MAST4: variants seen among roughly 807,000 people sequenced by gnomAD.
MAST4 encodes microtubule-associated serine/threonine-protein kinase 4.
Under a neutral mutation model 162.7 loss-of-function variants are expected in MAST4, and 89 were observed. That is an observed-to-expected ratio of 0.55 (90% confidence interval 0.46 to 0.65). The LOEUF is 0.65. Among genes scored for constraint, MAST4 ranks in the 30% least tolerant of loss-of-function variants. The pLI, the probability that MAST4 is intolerant of heterozygous loss-of-function variation, is 0.00. For missense variants in MAST4, 3,153 were observed against 3,374.0 expected (o/e 0.93, Z 1.62); for synonymous variants, 1,479 against 1,361.1 (o/e 1.09, Z -1.91).
chr5:66,669,690 G>T lies in MAST4; in HGVS notation c.363+72672G>T, dbSNP rs537737692. Among the ~76,000 whole-genome samples the T allele has an allele frequency of 1.3e-4, 20 of 152,268 alleles. No individual in the cohort carries two copies. The South Asian group carries it at 3.5e-3, about 27-fold the overall frequency. On this transcript the variant is annotated intron_variant, in intron 1 of 28. Transcript: ENST00000403625. The stretch of plus-strand genomic sequence containing the variant: ...GTTTGAAGTGCTGCTTGCAGTGCCT[G>T]CACTGGAGAAAAGGAAACTGTTGAG...
chr5:66,948,156 A>C (rs1744252224), intron 4 of MAST4, among the ~76,000 whole-genome samples: 1 of 152,146 alleles, frequency 6.6e-6, no homozygotes, highest in Non-Finnish European at 1.5e-5. Flanking sequence ...TAAGTTCCCA[A>C]GTTGGCTGAG....
chr5:66,840,284 T>A (rs1758326808), intron 3 of MAST4, among the ~76,000 whole-genome samples: 1 of 152,156 alleles, frequency 6.6e-6, no homozygotes. Context: ...ATAGTGATTG[T>A]TTTATCTTTT....
At chr5:66,853,789 C>G (rs1278335984) in intron 3 of MAST4, among the ~76,000 whole-genome samples, 2 of 152,124 alleles carry the variant, frequency 1.3e-5, no homozygotes, top group Admixed American at 6.5e-5. Flanking sequence ...AAAAGGAAAT[C>G]AGAATTCTTT....
At chr5:66,678,616 T>C (rs1748114463) in intron 1 of MAST4, among the ~76,000 whole-genome samples, 1 of 151,738 alleles carries the variant, frequency 6.6e-6, no homozygotes, top group African/African-American at 2.4e-5. Context: ...TGCCTCAACC[T>C]GCCAAGTAGC....
At chr5:66,767,604 A>G (rs1754159741) in intron 2 of MAST4, among the ~76,000 whole-genome samples, 1 of 151,896 alleles carries the variant, frequency 6.6e-6, no homozygotes, top group South Asian at 2.1e-4. Context: ...AATAGGATAT[A>G]TATACACACA....
At chr5:67,042,076 G>T (rs1756811936) in intron 4 of MAST4, among the ~76,000 whole-genome samples, 3 of 152,194 alleles carry the variant, frequency 2.0e-5, no homozygotes. Flanking sequence ...ATTTAAAACA[G>T]AACTGTCTCT....
chr5:67,113,021 A>T (rs1293351798), intron 11 of MAST4, among the ~76,000 whole-genome samples: 1 of 152,168 alleles, frequency 6.6e-6, no homozygotes, highest in African/African-American at 2.4e-5. Flanking sequence ...ATTTCAAAAA[A>T]CAGGGATGAA....
intron 4 of MAST4, among the ~76,000 whole-genome samples, chr5:66,983,486 A>G (rs983574275): frequency 2.0e-5 from 3 of 152,116 alleles, no homozygotes; most frequent in African/African-American, 7.2e-5. Flanking sequence ...TTAACCTACC[A>G]TTTGCATGAC....
chr5:67,061,472 T>C (rs143534759), intron 5 of MAST4, among the ~76,000 whole-genome samples: 10 of 152,248 alleles, frequency 6.6e-5, no homozygotes, highest in African/African-American at 2.4e-4. Context: ...ATCTCACCAG[T>C]ATCCTTTTTC....
intron 5 of MAST4, 142 bp from the exon 6 acceptor site, chr5:67,090,020 G>A: frequency 1.7e-6 from 1 of 597,100 alleles, no homozygotes; most frequent in Non-Finnish European, 2.9e-6. Flanking sequence ...CACCATCCCT[G>A]GTCCAGGTAA....
In MAST4 at chr5:66,848,685, A is replaced by G. The variant is rs950410742; in HGVS notation, c.643-51266A>G. 4.6e-5 allele frequency among the ~76,000 whole-genome samples: 7 copies of G among 152,176 alleles called. 1 individual carries two copies. The highest frequency in any genetic ancestry group is 1.0e-4 in the Non-Finnish European group (7 of 68,038). ...GAGGATTAGGATGTATGGAACAGAA[A>G]ATCCCGCCTAGTGATTTTTTAAAAT... is the stretch of plus-strand genomic sequence containing the variant. On this transcript the variant is annotated intron_variant, in intron 3 of 28. Coordinates refer to ENST00000403625, the MANE Select transcript of MAST4 (RefSeq NM_001164664.2).
chr5:67,039,005 T>C (rs1756384592), intron 4 of MAST4, among the ~76,000 whole-genome samples: 2 of 152,218 alleles, frequency 1.3e-5, no homozygotes, highest in South Asian at 4.1e-4. Flanking sequence ...TTTATGATTA[T>C]ACTTGAATGG....
intron 5 of MAST4, among the ~76,000 whole-genome samples, chr5:67,063,932 TG>T (rs1328032662): frequency 6.6e-6 from 1 of 152,144 alleles, no homozygotes; most frequent in East Asian, 1.9e-4. Context: ...TTTCTCAAGA[TG>T]GAAGAAACGA....
intron 1 of MAST4, among the ~76,000 whole-genome samples, chr5:66,645,606 A>G (rs772165001): frequency 2.6e-5 from 4 of 152,208 alleles, no homozygotes; most frequent in Non-Finnish European, 4.4e-5. Flanking sequence ...TTATGCTTTA[A>G]TTAATTTAGC....
intron 5 of MAST4, among the ~76,000 whole-genome samples, chr5:67,063,456 A>G (rs1328797057): frequency 1.3e-5 from 2 of 152,204 alleles, no homozygotes; most frequent in African/African-American, 4.8e-5. Context: ...TCCTAGTAAT[A>G]ATTCAATGAC....
intron 4 of MAST4, among the ~76,000 whole-genome samples, chr5:66,980,093 A>C (rs1005365699): frequency 2.0e-5 from 3 of 152,216 alleles, no homozygotes; most frequent in Non-Finnish European, 2.9e-5. Flanking sequence ...CTTTTTGGAT[A>C]TAAAGAAATG....
intron 4 of MAST4, among the ~76,000 whole-genome samples, chr5:67,026,496 A>G (rs1425768499): frequency 6.6e-6 from 1 of 152,224 alleles, no homozygotes; most frequent in African/African-American, 2.4e-5. Flanking sequence ...GTGAAATGTA[A>G]TTCATGCAAC....
chr5:66,746,515 G>T (rs1457866523), intron 1 of MAST4, among the ~76,000 whole-genome samples: 1 of 152,156 alleles, frequency 6.6e-6, no homozygotes, highest in Non-Finnish European at 1.5e-5. Context: ...CTACTGCCTA[G>T]TAGGGAGTCT....
intron 1 of MAST4, among the ~76,000 whole-genome samples, chr5:66,726,065 G>A (rs1321615208): frequency 6.6e-6 from 1 of 151,904 alleles, no homozygotes; most frequent in East Asian, 1.9e-4. Flanking sequence ...GTACACATAA[G>A]TTAGATTATA....
Sources: allele counts gnomAD v4.1 joint callset (sites outside exome capture counted in the v4.1 genomes callset), GRCh38; gene constraint gnomAD v4.1.1; transcripts MANE v1.5; gene names NCBI Gene and HGNC (gene_info 2026-07-23, HGNC 2026-07-21).